Variants in SDK1 observed in about 807,000 individuals in gnomAD.
SDK1 encodes protein sidekick-1.
A neutral mutation model predicts 245.5 loss-of-function variants in SDK1; 157 were observed. The observed-to-expected ratio is 0.64, with a 90% CI of 0.56 to 0.73. The LOEUF (loss-of-function observed/expected upper bound fraction) is 0.73, where lower values mean the gene tolerates loss of function less well. Ranked by LOEUF, SDK1 falls within the 30% of genes least tolerant of loss-of-function variation. The pLI is 0.00. For synonymous variants in SDK1, 1,647 were observed against 1,278.5 expected (o/e 1.29, Z -6.15); for missense variants, 3,583 against 3,002.3 (o/e 1.19, Z -4.52).
Position 4,149,357 on chromosome 7 carries a change from T to C in SDK1, c.4519T>C (p.Ser1507Pro). The C allele has an allele frequency of 6.3e-7, 1 of 1,591,186 alleles. No individual in the cohort carries two copies. The highest frequency in any genetic ancestry group is 8.6e-7 in the Non-Finnish European group (1 of 1,169,310). Residue 1507 changes from serine to proline, a missense_variant, in exon 30 of 45, where the codon TCC (serine) becomes CCC (proline). Physicochemically the swap from Ser to Pro is moderately conservative, Grantham distance 74. Transcript: ENST00000404826. Reference protein sequence around the residue: ...LQWVPGSDGASPIRYFTMQVR... With the variant: ...LQWVPGSDGAPPIRYFTMQVR... ...GTGGGTCCCGGGCAGCGACGGGGCC[T>C]CCCCCATCCGGTACTTCACCATGCA...
chr7:3,559,973 G>A (rs1779698158), intron 1 of SDK1, among the ~76,000 whole-genome samples: 1 of 152,172 alleles, frequency 6.6e-6, no homozygotes, highest in South Asian at 2.1e-4. Flanking sequence ...TGAAGAACAT[G>A]GAAACACTTG....
At position 3,782,245 on chromosome 7, in the gene SDK1, A is replaced by G. The variant is rs954476063; in HGVS notation, c.714-39205A>G. ...GGGGAAGCACTTGTCTCACATCGCT[A>G]GAGCAGGAACAAGAGGTGATGGGAA... On this transcript the variant is annotated intron_variant, in intron 4 of 44. Transcript: ENST00000404826. Among the ~76,000 whole-genome samples, 3 of 152,208 alleles carry G rather than the reference A, an allele frequency of 2.0e-5. No homozygotes were observed. The East Asian group carries it at 5.8e-4, about 29-fold the overall frequency.
intron 1 of SDK1, among the ~76,000 whole-genome samples, chr7:3,433,138 T>C (rs1163985803): frequency 2.0e-5 from 3 of 152,192 alleles, no homozygotes; most frequent in Non-Finnish European, 4.4e-5. Context: ...GGATTCTAAG[T>C]GTGACAGTAC....
chr7:4,174,020 G>A (rs941518252), intron 32 of SDK1, among the ~76,000 whole-genome samples: 6 of 152,222 alleles, frequency 3.9e-5, no homozygotes, highest in African/African-American at 1.2e-4. Flanking sequence ...ATGAAAACTG[G>A]GATTCTGAGA....
chr7:3,312,476 GATC>G (rs1413189026), intron 1 of SDK1, among the ~76,000 whole-genome samples: 1 of 151,956 alleles, frequency 6.6e-6, no homozygotes, highest in African/African-American at 2.4e-5. Flanking sequence ...AAAGGGGTAA[GATC>G]ATAATGAAAG....
chr7:3,951,261 G>T (rs1469532845), intron 6 of SDK1, among the ~76,000 whole-genome samples: 3 of 152,082 alleles, frequency 2.0e-5, no homozygotes, highest in South Asian at 2.1e-4. Context: ...GCAGCTCTGG[G>T]TGGTAGTGGG....
At chr7:4,021,629 C>T (rs1786904130) in intron 17 of SDK1, among the ~76,000 whole-genome samples, 2 of 152,160 alleles carry the variant, frequency 1.3e-5, no homozygotes, top group African/African-American at 4.8e-5. Context: ...CCATTGCGTC[C>T]CCACTCTAGA....
intron 2 of SDK1, among the ~76,000 whole-genome samples, chr7:3,634,165 T>C (rs1271590920): frequency 6.6e-6 from 1 of 152,124 alleles, no homozygotes; most frequent in African/African-American, 2.4e-5. Flanking sequence ...AGCCTTTAAT[T>C]TGAGATAAGC....
intron 5 of SDK1, among the ~76,000 whole-genome samples, chr7:3,831,392 G>A (rs1435566394): frequency 1.3e-5 from 2 of 152,142 alleles, no homozygotes; most frequent in Non-Finnish European, 2.9e-5. Context: ...GTATTCTGAA[G>A]CTGCTAATTA....
chr7:3,625,726 C>G (rs1055576554), intron 2 of SDK1, among the ~76,000 whole-genome samples: 47 of 152,152 alleles, frequency 3.1e-4, no homozygotes, highest in Non-Finnish European at 1.3e-4. Context: ...GCCTTCATTT[C>G]TAATTAGCTC....
At chr7:4,120,789 T>C (rs956679227) in intron 25 of SDK1, among the ~76,000 whole-genome samples, 2 of 152,038 alleles carry the variant, frequency 1.3e-5, no homozygotes, top group Non-Finnish European at 2.9e-5. Flanking sequence ...GCTAATTTTG[T>C]ATTTTTAGTA....
At chr7:3,391,635 A>ATTT (rs10667421) in intron 1 of SDK1, among the ~76,000 whole-genome samples, 101 of 130,336 alleles carry the variant, frequency 7.7e-4, no homozygotes, top group African/African-American at 2.7e-3. Context: ...CTGTTAACTG[A>ATTT]TTTTTTTTTT....
chr7:4,012,549 C>CTGTTTTTTTT (rs1786069698), intron 16 of SDK1, among the ~76,000 whole-genome samples: 1 of 25,960 alleles, frequency 3.9e-5, no homozygotes, highest in African/African-American at 8.7e-5. Context: ...CAATGTGAAG[C>CTGTTTTTTTT]TTTTTTTTTT....
intron 1 of SDK1, among the ~76,000 whole-genome samples, chr7:3,365,228 G>A (rs568756675): frequency 6.6e-6 from 1 of 152,196 alleles, no homozygotes. Context: ...CTAGAGAATG[G>A]TGGTAGTGGA....
rs1316027866 is a variant in SDK1 at position 3,739,515 on chromosome 7, G to A, written c.714-81935G>A. Among the ~76,000 whole-genome samples the A allele has an allele frequency of 2.0e-5, 3 of 151,972 alleles. No individual in the cohort carries two copies. In the East Asian group the frequency reaches 5.8e-4, roughly 29 times the overall value. On this transcript the variant is annotated intron_variant, in intron 4 of 44. Coordinates refer to ENST00000404826, the MANE Select transcript of SDK1 (RefSeq NM_152744.4). ...TCTTAGGATTGAGTAATTGCTATTA[G>A]CCTGTCTTCAAGTTCAGTGATTCTT...
In SDK1 at chr7:3,971,512, G is replaced by T; in HGVS notation, c.1761G>T (p.Lys587Asn). The change falls in exon 12 of 45, where the codon AAG (lysine) becomes AAT (asparagine). Residue 587 changes from lysine (K) to asparagine (N), a missense_variant. Physicochemically the swap from Lys to Asn is moderately conservative, Grantham distance 94. Transcript: ENST00000404826. The part of the protein sequence containing the change: ...VHPPEDHVVI[K>N]GTTATLHCGA... Reference sequence around the variant, plus strand: ...CTCCTGAGGACCACGTGGTGATTAAGGGGACCACGGCCACGCTGCACTGTG... The same window carrying T: ...CTCCTGAGGACCACGTGGTGATTAATGGGACCACGGCCACGCTGCACTGTG... 1 of 1,613,748 alleles carries T rather than the reference G, an allele frequency of 6.2e-7. No homozygotes were observed. The highest frequency in any genetic ancestry group is 8.5e-7 in the Non-Finnish European group (1 of 1,179,884).
chr7:3,890,818 T>C (rs1234092580), intron 5 of SDK1, among the ~76,000 whole-genome samples: 1 of 152,158 alleles, frequency 6.6e-6, no homozygotes, highest in Admixed American at 6.5e-5. Context: ...GGTGGGTGCC[T>C]GTAGTCCCAC....
At chr7:3,994,572 T>C (rs1286975231) in intron 14 of SDK1, among the ~76,000 whole-genome samples, 2 of 150,460 alleles carry the variant, frequency 1.3e-5, no homozygotes, top group Admixed American at 6.6e-5. Context: ...AACCCAGGAG[T>C]TCAAGGCTGC....
In SDK1 at chr7:3,301,815, G is replaced by A. The variant is rs1779270858; in HGVS notation, c.229G>A (p.Gly77Arg). The part of the protein sequence containing the change: ...RCGGRRAAKL[G>R]PGRRGWWALL... ...CGGCGGGCGGCGGGCGGCAAAGTTG[G>A]GGCCGGGCCGCCGCGGCTGGTGGGC... is the stretch of plus-strand genomic sequence containing the variant. The change falls in exon 1 of 45, where the codon GGG becomes AGG. Residue 77 changes from glycine (G) to arginine (R), a missense_variant. Transcript: ENST00000404826. 29 of 1,083,218 alleles carry A rather than the reference G, an allele frequency of 2.7e-5. No homozygotes were observed. Among genetic ancestry groups the A allele is most frequent in the Middle Eastern group, 4.1e-4 (1 of 2,464 alleles). The allele number at this position is 1,083,218 out of a possible 1,614,324, so 67.1% of individuals were successfully genotyped here.
Sources: allele counts gnomAD v4.1 joint callset (sites outside exome capture counted in the v4.1 genomes callset), GRCh38; gene constraint gnomAD v4.1.1; transcripts MANE v1.5; gene names NCBI Gene and HGNC (gene_info 2026-07-23, HGNC 2026-07-21).